The following GMDS variants were observed in gnomAD, a reference collection of about 807,000 sequenced individuals.
GMDS encodes the protein GDP-mannose 4,6-dehydratase, also known as GDP-mannose 4,6 dehydratase.
In GMDS, 20 loss-of-function variants were observed where a neutral mutation model predicts 49.9. The ratio of observed to expected loss-of-function variants is 0.40; its 90% confidence interval spans 0.28 to 0.58. GMDS has a LOEUF of 0.58. Among genes scored for constraint, GMDS ranks in the 20% least tolerant of loss-of-function variants. GMDS has a pLI of 0.42. For synonymous variants in GMDS, 177 were observed against 178.6 expected (o/e 0.99, Z 0.07); for missense variants, 362 against 481.4 (o/e 0.75, Z 2.32).
chr6:1,861,258 T>TA (rs1414058008), intron 7 of GMDS, among the ~76,000 whole-genome samples: 1 of 152,186 alleles, frequency 6.6e-6, no homozygotes, highest in Non-Finnish European at 1.5e-5. Flanking sequence ...TGTGTTGAGT[T>TA]AGTGTTCATT....
chr6:1,853,932 T>A (rs1028339978), intron 7 of GMDS, among the ~76,000 whole-genome samples: 4 of 152,164 alleles, frequency 2.6e-5, no homozygotes, highest in African/African-American at 9.7e-5. Flanking sequence ...CCCTCCATGG[T>A]CCTTTAGCAC....
chr6:2,114,429 C>T (rs914290060), intron 4 of GMDS, among the ~76,000 whole-genome samples: 3 of 152,090 alleles, frequency 2.0e-5, no homozygotes, highest in African/African-American at 7.2e-5. Flanking sequence ...AAAGTCACCG[C>T]TTCTCTATAG....
chr6:1,806,481 C>A (rs1303576879), intron 7 of GMDS, among the ~76,000 whole-genome samples: 1 of 151,870 alleles, frequency 6.6e-6, no homozygotes, highest in Non-Finnish European at 1.5e-5. Context: ...CAGGCACGCA[C>A]ATGCATACAC....
At chr6:2,186,858 A>C (rs1778800063) in intron 1 of GMDS, among the ~76,000 whole-genome samples, 1 of 152,264 alleles carries the variant, frequency 6.6e-6, no homozygotes, top group South Asian at 2.1e-4. Flanking sequence ...TTGCACAAAT[A>C]GTATATATAC....
intron 7 of GMDS, among the ~76,000 whole-genome samples, chr6:1,923,157 C>T (rs1271182889): frequency 1.3e-5 from 2 of 152,168 alleles, no homozygotes; most frequent in Non-Finnish European, 2.9e-5. Context: ...TTTATAAACA[C>T]CCAGTCTCCA....
intron 4 of GMDS, among the ~76,000 whole-genome samples, chr6:2,067,811 T>C (rs1198289035): frequency 6.6e-6 from 1 of 152,156 alleles, no homozygotes; most frequent in African/African-American, 2.4e-5. Flanking sequence ...ACCAGATGGA[T>C]TCACAGCCGA....
At chr6:1,973,964 T>C (rs1192004071) in intron 4 of GMDS, among the ~76,000 whole-genome samples, 2 of 152,156 alleles carry the variant, frequency 1.3e-5, no homozygotes, top group African/African-American at 4.8e-5. Flanking sequence ...TAACTCAGTG[T>C]TGGGAGCCTT....
At chr6:1,831,539 C>T (rs1486854737) in intron 7 of GMDS, among the ~76,000 whole-genome samples, 1 of 152,168 alleles carries the variant, frequency 6.6e-6, no homozygotes, top group Non-Finnish European at 1.5e-5. Context: ...GTTAGGGAAA[C>T]ATGACTTAGT....
At chr6:1,798,667 A>T (rs1259394798) in intron 7 of GMDS, among the ~76,000 whole-genome samples, 3 of 152,308 alleles carry the variant, frequency 2.0e-5, no homozygotes, top group South Asian at 2.1e-4. Flanking sequence ...TTGGCGTATT[A>T]CTTGTTTGGG....
At chr6:2,192,013 G>C (rs763291755) in intron 1 of GMDS, among the ~76,000 whole-genome samples, 4 of 152,208 alleles carry the variant, frequency 2.6e-5, no homozygotes, top group Non-Finnish European at 5.9e-5. Flanking sequence ...CCCGGGCTCA[G>C]CTAGAGCAGG....
intron 1 of GMDS, among the ~76,000 whole-genome samples, chr6:2,161,800 AG>A (rs1777413834): frequency 6.6e-6 from 1 of 152,218 alleles, no homozygotes; most frequent in African/African-American, 2.4e-5. Context: ...AAAAGGGCTA[AG>A]GGTTTGGTTT....
intron 1 of GMDS, among the ~76,000 whole-genome samples, chr6:2,244,493 A>C (rs1191159182): frequency 6.6e-6 from 1 of 152,088 alleles, no homozygotes; most frequent in Non-Finnish European, 1.5e-5. Context: ...TTACTTCATG[A>C]CCACTGAATC....
In GMDS at chr6:2,190,158, T is replaced by C. The variant is rs577188873; in HGVS notation, c.102+55163A>G. ...TTATTTTATATTTTATTTCTGAAAATAACCACATCAGGGAAAAAAGAGCAA... is the reference window on the plus strand; with the variant it reads ...TTATTTTATATTTTATTTCTGAAAACAACCACATCAGGGAAAAAAGAGCAA... On this transcript the variant is annotated intron_variant, in intron 1 of 10. Transcript: ENST00000380815. Among the ~76,000 whole-genome samples, 6 of 152,254 alleles carry C rather than the reference T, an allele frequency of 3.9e-5. No individual in the cohort carries two copies. In the South Asian group the frequency reaches 1.0e-3, roughly 26 times the overall value.
chr6:1,825,213 T>C (rs758576317), intron 7 of GMDS, among the ~76,000 whole-genome samples: 12 of 152,250 alleles, frequency 7.9e-5, no homozygotes, highest in Non-Finnish European at 4.4e-5. Context: ...AGAAGATCGC[T>C]GATGACGTTT....
chr6:1,644,863 G>A (rs929759310), intron 9 of GMDS, among the ~76,000 whole-genome samples: 1 of 151,964 alleles, frequency 6.6e-6, no homozygotes, highest in Non-Finnish European at 1.5e-5. Context: ...GAGGCTTAGT[G>A]AGTAACTTGC....
At chr6:1,820,098 T>C (rs1044503915) in intron 7 of GMDS, among the ~76,000 whole-genome samples, 2 of 152,056 alleles carry the variant, frequency 1.3e-5, no homozygotes, top group Admixed American at 1.3e-4. Flanking sequence ...TTTCTTATAG[T>C]TTATAAATAC....
intron 6 of GMDS, among the ~76,000 whole-genome samples, chr6:1,959,341 G>A (rs922295034): frequency 6.6e-6 from 1 of 152,066 alleles, no homozygotes; most frequent in African/African-American, 2.4e-5. Flanking sequence ...ATAAAAATGT[G>A]TCAATTTTTT....
At chr6:2,238,371 A>C (rs1315305651) in intron 1 of GMDS, among the ~76,000 whole-genome samples, 2 of 152,176 alleles carry the variant, frequency 1.3e-5, no homozygotes, top group African/African-American at 4.8e-5. Context: ...GAGGAACAAA[A>C]TAATTCACTG....
At chr6:1,644,569 T>C (rs1371996254) in intron 9 of GMDS, among the ~76,000 whole-genome samples, 3 of 152,226 alleles carry the variant, frequency 2.0e-5, no homozygotes, top group African/African-American at 7.2e-5. Context: ...GTGCTCTAAG[T>C]CAGCCAACAT....
Sources: allele counts gnomAD v4.1 joint callset (sites outside exome capture counted in the v4.1 genomes callset), GRCh38; gene constraint gnomAD v4.1.1; transcripts MANE v1.5; gene names NCBI Gene and HGNC (gene_info 2026-07-23, HGNC 2026-07-21).